Variants in CHLSN observed in about 807,000 individuals in gnomAD.
CHLSN encodes the protein protein cholesin.
chr7:988,691 G>T, the CHLSN span: 1 of 1,600,064 alleles, frequency 6.2e-7, no homozygotes. Context: ...CCTGCTGTTT[G>T]CCGGCCTCCT....
At chr7:1,124,270 G>A in the CHLSN span, among the ~76,000 whole-genome samples, 6 of 152,078 alleles carry the variant, frequency 3.9e-5, no homozygotes, top group South Asian at 4.2e-4. Flanking sequence ...ACCGTAAGCC[G>A]AGCTGTCTTG....
the CHLSN span, among the ~76,000 whole-genome samples, chr7:1,010,793 C>A: frequency 6.6e-5 from 10 of 152,192 alleles, no homozygotes; most frequent in Non-Finnish European, 1.2e-4. Flanking sequence ...AGCGTCAAAG[C>A]CGGGGCAGCC....
At chr7:980,035 G>T in the CHLSN span, among the ~76,000 whole-genome samples, 4 of 152,354 alleles carry the variant, frequency 2.6e-5, no homozygotes, top group East Asian at 7.7e-4. Context: ...GTCACAAAGG[G>T]GGAAGACCAC....
the CHLSN span, among the ~76,000 whole-genome samples, chr7:978,719 C>G: frequency 2.0e-5 from 3 of 152,230 alleles, no homozygotes; most frequent in East Asian, 3.8e-4. Context: ...GAAACAGACT[C>G]AAGGGGTCAC....
chr7:1,092,311 G>A, the CHLSN span: 276 of 1,611,478 alleles, frequency 1.7e-4, no homozygotes, highest in Non-Finnish European at 2.1e-4. Context: ...GCCCTTCACC[G>A]CCGTGCACCT....
At chr7:1,019,212 C>CGGG in the CHLSN span, among the ~76,000 whole-genome samples, 5 of 18,774 alleles carry the variant, frequency 2.7e-4, no homozygotes, top group Admixed American at 1.7e-3. Context: ...AAAAAAAAAA[C>CGGG]GGGGGGGGGG....
chr7:1,119,030 G>A, the CHLSN span, among the ~76,000 whole-genome samples: 3 of 152,034 alleles, frequency 2.0e-5, no homozygotes, highest in African/African-American at 7.2e-5. Flanking sequence ...CGAGGCAGGA[G>A]GATCATGAGG....
chr7:985,142 G>A, the CHLSN span: 38 of 1,600,444 alleles, frequency 2.4e-5, no homozygotes, highest in African/African-American at 3.7e-4. Flanking sequence ...GCCTGGACGT[G>A]CCTGAGGCCC....
the CHLSN span, among the ~76,000 whole-genome samples, chr7:1,008,690 C>T: frequency 6.6e-6 from 1 of 152,158 alleles, no homozygotes; most frequent in African/African-American, 2.4e-5. Context: ...GCCAAGAGCC[C>T]CTCTCCTGTA....
At chr7:1,034,760 C>T in the CHLSN span, among the ~76,000 whole-genome samples, 1 of 150,968 alleles carries the variant, frequency 6.6e-6, no homozygotes, top group Non-Finnish European at 1.5e-5. Flanking sequence ...TCTCTCCCTC[C>T]TCCCACCCTC....
the CHLSN span, among the ~76,000 whole-genome samples, chr7:1,082,477 T>TA: frequency 1.3e-5 from 2 of 152,170 alleles, no homozygotes; most frequent in African/African-American, 4.8e-5. Context: ...CATCCCCACT[T>TA]AAAGACAAAG....
At chr7:1,133,409 A>AAAAAAAAAAAAAAAAC in the CHLSN span, among the ~76,000 whole-genome samples, 4 of 149,546 alleles carry the variant, frequency 2.7e-5, no homozygotes, top group East Asian at 4.4e-4. Flanking sequence ...AAAAAAAAAA[A>AAAAAAAAAAAAAAAAC]AAAACTATAA....
chr7:1,028,881 C>T, the CHLSN span: 1 of 802,098 alleles, frequency 1.2e-6, no homozygotes, highest in Non-Finnish European at 1.5e-6. Context: ...TGCCCCATCT[C>T]TCCCCAGTCT....
chr7:1,019,219 G>T, the CHLSN span, among the ~76,000 whole-genome samples: 30 of 137,520 alleles, frequency 2.2e-4, no homozygotes, highest in African/African-American at 7.2e-4. Context: ...AAACGGGGGG[G>T]GGGGAGTGAA....
chr7:1,006,113 G>C, the CHLSN span, among the ~76,000 whole-genome samples: 3 of 152,244 alleles, frequency 2.0e-5, no homozygotes, highest in East Asian at 5.8e-4. Flanking sequence ...TGCCTCGCTC[G>C]TGTAACTACC....
chr7:1,037,334 C>T, the CHLSN span, among the ~76,000 whole-genome samples: 144 of 136,302 alleles, frequency 1.1e-3, no homozygotes, highest in African/African-American at 3.5e-3. Flanking sequence ...GCTGCCATCT[C>T]GGCTCACTGC....
chr7:1,016,311 ACAG>A, the CHLSN span, among the ~76,000 whole-genome samples: 4 of 59,928 alleles, frequency 6.7e-5, 1 homozygote, highest in African/African-American at 2.9e-4. Context: ...ACATAGCAGC[ACAG>A]CAGCACACAG....
chr7:1,124,956 G>A, the CHLSN span, among the ~76,000 whole-genome samples: 1 of 152,148 alleles, frequency 6.6e-6, no homozygotes, highest in Non-Finnish European at 1.5e-5. Flanking sequence ...CAAGCTGTCT[G>A]GCTGTGCTTG....
At chr7:1,082,899 G>A in the CHLSN span, among the ~76,000 whole-genome samples, 7 of 152,246 alleles carry the variant, frequency 4.6e-5, no homozygotes, top group Non-Finnish European at 8.8e-5. Context: ...AAGGGTTCAC[G>A]ATGTCTTACG....
Sources: gnomAD v4.1 joint callset for allele counts (sites outside exome capture counted in the v4.1 genomes callset) on GRCh38, gnomAD v4.1.1 for gene constraint, MANE v1.5 for transcripts, NCBI Gene and HGNC (gene_info 2026-07-23, HGNC 2026-07-21) for gene names.